RUFY2: variants seen among roughly 807,000 people sequenced by gnomAD.
The protein encoded by RUFY2 is RUN and FYVE domain containing 2.
Under a neutral mutation model 94.4 loss-of-function variants are expected in RUFY2, and 49 were observed. The ratio of observed to expected loss-of-function variants is 0.52; its 90% confidence interval spans 0.41 to 0.66. The LOEUF (loss-of-function observed/expected upper bound fraction) is 0.66. Among genes scored for constraint, RUFY2 ranks in the 30% least tolerant of loss-of-function variants. RUFY2 has a pLI of 0.00. For missense variants in RUFY2, 541 were observed against 692.8 expected, an observed-to-expected ratio of 0.78 and a Z score of 2.46; for synonymous variants, 255 against 235.7, an observed-to-expected ratio of 1.08 and a Z score of -0.75.
intron 15 of RUFY2, among the ~76,000 whole-genome samples, chr10:68,360,699 G>C (rs1215437692): frequency 6.6e-6 from 1 of 152,060 alleles, no homozygotes; most frequent in African/African-American, 2.4e-5. Flanking sequence ...AGTGAGCTGA[G>C]ATACTGCCAC....
chr10:68,355,143 G>A (rs903170987), intron 16 of RUFY2, among the ~76,000 whole-genome samples: 12 of 152,020 alleles, frequency 7.9e-5, no homozygotes, highest in Non-Finnish European at 1.0e-4. Flanking sequence ...CACTGCGCCC[G>A]GCCTCTAAGG....
intron 3 of RUFY2, among the ~76,000 whole-genome samples, chr10:68,400,408 G>A (rs1203536577): frequency 6.6e-6 from 1 of 152,146 alleles, no homozygotes; most frequent in East Asian, 1.9e-4. Flanking sequence ...CAGGCACGGT[G>A]GCTCACGCCT....
intron 1 of RUFY2, chr10:68,405,572 C>CA: frequency 1.4e-6 from 1 of 739,160 alleles, no homozygotes; most frequent in Non-Finnish European, 1.7e-6. Context: ...AATTCCAAGG[C>CA]AAAAATGTTC....
intron 13 of RUFY2, among the ~76,000 whole-genome samples, chr10:68,373,778 A>G (rs930643526): frequency 1.6e-4 from 25 of 152,098 alleles, no homozygotes; most frequent in Admixed American, 1.4e-3. Context: ...TCTCTAAAAA[A>G]CAAATAGCAG....
chr10:68,405,031 C>G (rs952061143), intron 1 of RUFY2, among the ~76,000 whole-genome samples, 187 bp from the exon 2 acceptor site: 4 of 152,022 alleles, frequency 2.6e-5, no homozygotes, highest in Non-Finnish European at 4.4e-5. Context: ...TAAAAAATTT[C>G]CGGCCAGGCG....
intron 5 of RUFY2, 44 bp from the exon 6 acceptor site, chr10:68,394,180 C>A: frequency 6.7e-7 from 1 of 1,490,924 alleles, no homozygotes; most frequent in South Asian, 1.3e-5. Flanking sequence ...GGAGAAAATA[C>A]TTTATCAGAA....
At chr10:68,384,291 A>G (rs2049313728) in intron 8 of RUFY2, 139 bp from the exon 9 acceptor site, 1 of 1,165,736 alleles carries the variant, frequency 8.6e-7, no homozygotes, top group Non-Finnish European at 1.1e-6. Flanking sequence ...AGAAACGTTC[A>G]TAAGGAAAAC....
At chr10:68,360,274 T>C (rs913107097) in intron 15 of RUFY2, among the ~76,000 whole-genome samples, 1 of 151,224 alleles carries the variant, frequency 6.6e-6, no homozygotes, top group South Asian at 2.1e-4. Context: ...CCCGCCTCCA[T>C]ATAAAATATA....
intron 13 of RUFY2, among the ~76,000 whole-genome samples, chr10:68,369,622 A>T (rs1436287560): frequency 6.6e-6 from 1 of 152,150 alleles, no homozygotes; most frequent in Non-Finnish European, 1.5e-5. Context: ...TGGGTCTGTT[A>T]TAACAGCCAG....
intron 6 of RUFY2, 139 bp downstream of exon 6, chr10:68,393,936 G>A: frequency 7.1e-7 from 1 of 1,400,336 alleles, no homozygotes; most frequent in South Asian, 1.4e-5. Flanking sequence ...AGCTTGTAAT[G>A]GAAGTGAAAA....
chr10:68,345,219 C>T lies in RUFY2; in HGVS notation c.*549G>A, dbSNP rs755385389. ...CGACAATAACTGATTTTTAAAGAGACCAAGAGGAAATTTTGTAGGACAAAA... is the reference window on the plus strand; with the variant it reads ...CGACAATAACTGATTTTTAAAGAGATCAAGAGGAAATTTTGTAGGACAAAA... On this transcript the variant is annotated 3_prime_UTR_variant, in exon 18 of 18. Transcript: ENST00000602465. 2 of 165,662 alleles carry T rather than the reference C, an allele frequency of 1.2e-5. No individual in the cohort carries two copies. Among genetic ancestry groups the T allele is most frequent in the Non-Finnish European group, 2.6e-5 (2 of 77,552 alleles). 10.3% of individuals were successfully genotyped at this position (165,662 alleles called of 1,614,324 possible).
At chr10:68,341,790 A>G (rs1352099009), downstream of RUFY2, 1 of 1,609,302 alleles carries the variant, frequency 6.2e-7, no homozygotes, top group Non-Finnish European at 8.5e-7. Flanking sequence ...CAGTTGGAAG[A>G]ATGGGAATGG....
chr10:68,347,168 T>A (rs2046338361), intron 16 of RUFY2, among the ~76,000 whole-genome samples: 2 of 152,104 alleles, frequency 1.3e-5, no homozygotes, highest in African/African-American at 2.4e-5. Context: ...TTTAAAAGTT[T>A]TACATGGCTA....
rs1173632510 is a variant in RUFY2 at position 68,384,080 on chromosome 10, T to C, written c.793A>G (p.Ile265Val). The C allele has an allele frequency of 6.2e-7, 1 of 1,613,230 alleles. No homozygotes were observed. The highest frequency in any genetic ancestry group is 1.1e-5 in the South Asian group (1 of 91,038). ...AGGTGCTGCTGTGTTTTCATTAAAA[T>C]CAATTTATTTTCACTTCGTAATTGA... is the stretch of plus-strand genomic sequence containing the variant. ...NHQLRSENKL[I>V]LMKTQQHLEV... is the part of the protein sequence containing the mutation. The change falls in exon 9 of 18, where the codon ATT (isoleucine) becomes GTT (valine). Residue 265 changes from isoleucine (I) to valine (V), a missense_variant. Physicochemically the swap from Ile to Val is conservative, Grantham distance 29. Around this residue, in one of 3 missense-constraint regions of RUFY2, gnomAD observed 403 missense variants for 480.7 expected, o/e 0.84. Transcript: ENST00000602465.
chr10:68,400,585 A>C (rs985868813), intron 3 of RUFY2, among the ~76,000 whole-genome samples: 2 of 151,872 alleles, frequency 1.3e-5, no homozygotes, highest in Non-Finnish European at 2.9e-5. Flanking sequence ...CTGAGGCAGG[A>C]AAGTTGCTTG....
intron 10 of RUFY2, among the ~76,000 whole-genome samples, chr10:68,382,567 A>C (rs1309126601): frequency 6.6e-6 from 1 of 151,384 alleles, no homozygotes; most frequent in Non-Finnish European, 1.5e-5. Context: ...ACAAAAAATT[A>C]GCCGGGCGTG....
Position 68,396,807 on chromosome 10 carries a change from C to T in RUFY2, c.371G>A (p.Cys124Tyr), listed in dbSNP as rs996219946. The change falls in exon 4 of 18, where the codon TGC (cysteine) becomes TAC (tyrosine). Residue 124 changes from cysteine (C) to tyrosine (Y), a missense_variant. Physicochemically the swap from Cys to Tyr is radical, Grantham distance 194 (BLOSUM62 -2). Around this residue, in one of 3 missense-constraint regions of RUFY2, gnomAD observed 85 missense variants for 153.4 expected, o/e 0.55. Transcript: ENST00000602465. ...MQKKMADYLR[C>Y]LIIQRDLLSE... ...CAAGAGATCCCTCTGAATAATTAAG[C>T]AACGTAAGTAATCGGCCATTTTTTT... 3.7e-6 allele frequency: 6 copies of T among 1,613,396 alleles called. No individual in the cohort carries two copies. The highest frequency in any genetic ancestry group is 5.1e-6 in the Non-Finnish European group (6 of 1,179,534).
intron 10 of RUFY2, among the ~76,000 whole-genome samples, chr10:68,382,071 C>T (rs1324330118): frequency 2.1e-5 from 3 of 144,430 alleles, no homozygotes; most frequent in South Asian, 2.2e-4. Flanking sequence ...TTTTTTGAGA[C>T]GGAGTCTCGC....
intron 15 of RUFY2, among the ~76,000 whole-genome samples, chr10:68,358,097 A>C (rs748349386): frequency 4.6e-5 from 7 of 152,156 alleles, no homozygotes; most frequent in African/African-American, 1.7e-4. Context: ...CTGAGGCAGG[A>C]AAATCGCTTG....
Sources: gnomAD v4.1 joint callset for allele counts (sites outside exome capture counted in the v4.1 genomes callset) on GRCh38, gnomAD v4.1.1 for gene constraint, gnomAD v4.1.1 regional missense constraint, MANE v1.5 for transcripts, NCBI Gene and HGNC (gene_info 2026-07-23, HGNC 2026-07-21) for gene names.